The following DHX57 variants were observed in gnomAD, a reference collection of about 807,000 sequenced individuals.
The protein encoded by DHX57 is DExH-box helicase 57, also known as putative ATP-dependent RNA helicase DHX57.
Under a neutral mutation model 156.2 loss-of-function variants are expected in DHX57, and 105 were observed. The ratio of observed to expected loss-of-function variants is 0.67; its 90% CI spans 0.57 to 0.79. The LOEUF is 0.79. DHX57 is among the 30% of genes least tolerant of loss of function. The pLI is 0.00. For missense variants in DHX57, 1,847 were observed against 1,661.9 expected (o/e 1.11, Z -1.94); for synonymous variants, 704 against 595.6 (o/e 1.18, Z -2.65).
chr2:38,805,602 T>C (rs1467201769), intron 22 of DHX57, among the ~76,000 whole-genome samples: 1 of 152,076 alleles, frequency 6.6e-6, no homozygotes. Flanking sequence ...CAAGGAGGCA[T>C]TCTTGGGACC....
In DHX57 at chr2:38,853,998, C is replaced by A. The variant is rs1672748439; in HGVS notation, c.2030+56G>T. Reference sequence around the variant, plus strand: ...AATTGGAACTAGAAAACAATTTTTTCTGCCATGCCTTCAATTCAGGTGAGT... The same window carrying A: ...AATTGGAACTAGAAAACAATTTTTTATGCCATGCCTTCAATTCAGGTGAGT... On this transcript the variant is annotated intron_variant, in intron 9 of 23. Coordinates refer to ENST00000457308, the MANE Select transcript of DHX57 (RefSeq NM_198963.3). 27 of 1,497,180 alleles carry A rather than the reference C, an allele frequency of 1.8e-5. 1 individual carries two copies. In the South Asian group the frequency reaches 3.7e-4, roughly 20 times the overall value. The allele number at this position is 1,497,180 out of a possible 1,614,324, so 92.7% of individuals were successfully genotyped here. A position where few individuals can be genotyped will look rare whatever the true frequency, so the allele number is the denominator to read the frequency against.
intron 9 of DHX57, 63 bp downstream of exon 9, chr2:38,853,991 A>AT (rs1672747822): frequency 5.4e-6 from 8 of 1,489,542 alleles, no homozygotes; most frequent in Non-Finnish European, 7.2e-6. Context: ...CTAGAAAACA[A>AT]TTTTTTCTGC....
chr2:38,860,767 A>G (rs1223797640), intron 5 of DHX57, among the ~76,000 whole-genome samples: 3 of 152,238 alleles, frequency 2.0e-5, no homozygotes, highest in African/African-American at 4.8e-5. Context: ...AACATACGTC[A>G]CTACAAACTT....
At chr2:38,857,012 G>C (rs1178664261) in intron 6 of DHX57, 1 of 153,452 alleles carries the variant, frequency 6.5e-6, no homozygotes, top group Non-Finnish European at 1.5e-5. Flanking sequence ...CTCTTGCTTA[G>C]CACATATCCA....
At position 38,848,404 on chromosome 2, in the gene DHX57, T is replaced by A. The variant is rs766741871; in HGVS notation, c.2031-2A>T. On this transcript the variant is annotated splice_acceptor_variant, in intron 9 of 23. Transcript: ENST00000457308. LOFTEE classifies it high-confidence loss of function. ...TTCAAAACTAGCAGCAAGAAGTCAC[T>A]AGAGAAAATAAAAGAAACACCTGAG... 1 of 1,584,040 alleles carries A rather than the reference T, an allele frequency of 6.3e-7. No homozygotes were observed. Among genetic ancestry groups the A allele is most frequent in the Admixed American group, 1.9e-5 (1 of 51,704 alleles).
intron 15 of DHX57, 62 bp from the exon 16 acceptor site, chr2:38,826,109 C>G: frequency 6.6e-7 from 1 of 1,519,478 alleles, no homozygotes; most frequent in South Asian, 1.2e-5. Flanking sequence ...AGACTGCTTG[C>G]TATGGACAGA....
In DHX57 at chr2:38,863,293, G is replaced by T. The variant is rs1298048474; in HGVS notation, c.383+68C>A. ...AGTACTGACACAGCATTCCAAAGAT[G>T]CACAGGACCTTCACACTGCCAGTAT... is the stretch of plus-strand genomic sequence containing the variant. On this transcript the variant is annotated intron_variant, in intron 3 of 23. Transcript: ENST00000457308. 2.5e-5 allele frequency: 37 copies of T among 1,499,880 alleles called. No homozygotes were observed. In the Admixed American group the frequency reaches 5.5e-4, roughly 22 times the overall value. The allele number at this position is 1,499,880 out of a possible 1,614,324, so 92.9% of individuals were successfully genotyped here.
At chr2:38,825,585 G>A (rs557091414) in intron 16 of DHX57, among the ~76,000 whole-genome samples, 2 of 152,264 alleles carry the variant, frequency 1.3e-5, no homozygotes, top group Admixed American at 6.5e-5. Context: ...TTATAAGCAT[G>A]AGCCTCCATG....
rs568684204 is a variant in DHX57, at chr2:38,830,730, C to T, written c.2543-2294G>A. 2.2e-4 allele frequency among the ~76,000 whole-genome samples: 33 copies of T among 152,138 alleles called. 1 individual carries two copies. In the Middle Eastern group the frequency reaches 0.01, roughly 47 times the overall value. On this transcript the variant is annotated intron_variant, in intron 13 of 23. Transcript: ENST00000457308. ...GTAAGCATGGAGCTTGGACACAAAC[C>T]TAGGGTTTCTGGCATCAGATCCATG...
chr2:38,812,852 G>GTTTGTTTGTTTA (rs1553323020), intron 21 of DHX57, among the ~76,000 whole-genome samples: 50,758 of 150,956 alleles, frequency 0.34, 8,774 homozygotes, highest in Non-Finnish European at 0.36. Flanking sequence ...TTGTTTGTTT[G>GTTTGTTTGTTTA]TTTGTTTGTT....
intron 12 of DHX57, among the ~76,000 whole-genome samples, chr2:38,842,162 T>C (rs920368012): frequency 6.6e-6 from 1 of 152,184 alleles, no homozygotes; most frequent in Non-Finnish European, 1.5e-5. Flanking sequence ...GTTTTTGTGA[T>C]GCTCCAGCCA....
intron 21 of DHX57, chr2:38,810,666 G>T: frequency 1.5e-6 from 1 of 683,294 alleles, no homozygotes; most frequent in Non-Finnish European, 2.7e-6. Context: ...ACTTGGCAAT[G>T]CAGTGGTGGG....
chr2:38,865,946 T>G (rs1240929540), intron 2 of DHX57, among the ~76,000 whole-genome samples: 1 of 152,176 alleles, frequency 6.6e-6, no homozygotes, highest in Non-Finnish European at 1.5e-5. Context: ...TCAATGCTAT[T>G]GAGTATAGAT....
chr2:38,868,448 C>T (rs769694987), intron 1 of DHX57, 37 bp from the exon 2 acceptor site: 1 of 1,590,704 alleles, frequency 6.3e-7, no homozygotes, highest in Non-Finnish European at 8.6e-7. Flanking sequence ...CATCATAAAA[C>T]CAGACATGTA....
At chr2:38,812,247 C>T (rs143954052) in intron 21 of DHX57, among the ~76,000 whole-genome samples, 29 of 137,186 alleles carry the variant, frequency 2.1e-4, no homozygotes, top group African/African-American at 6.8e-4. Context: ...TTCATAACCA[C>T]ACTACAAAGC....
intron 7 of DHX57, among the ~76,000 whole-genome samples, 185 bp from the exon 8 acceptor site, chr2:38,855,437 CCAATCAAAAGGA>C (rs72020623): frequency 0.21 from 32,183 of 151,982 alleles, 4,239 homozygotes; most frequent in Non-Finnish European, 0.28. Context: ...AATTTGCACT[CCAATCAAAAGGA>C]CAATCAAATA....
At chr2:38,821,720 A>G (rs955913875) in intron 17 of DHX57, among the ~76,000 whole-genome samples, 1 of 152,118 alleles carries the variant, frequency 6.6e-6, no homozygotes, top group Non-Finnish European at 1.5e-5. Flanking sequence ...CCAAAAGTTG[A>G]TTCTCTGAAA....
chr2:38,820,941 A>T (rs1670781654), intron 17 of DHX57, among the ~76,000 whole-genome samples: 1 of 152,030 alleles, frequency 6.6e-6, no homozygotes, highest in Admixed American at 6.6e-5. Flanking sequence ...TCTCAAGTAT[A>T]CGTGGAACAC....
chr2:38,830,390 G>A (rs1416199162), intron 13 of DHX57, among the ~76,000 whole-genome samples: 4 of 152,166 alleles, frequency 2.6e-5, no homozygotes, highest in Admixed American at 1.3e-4. Flanking sequence ...CACTTTAGGA[G>A]GCTGAGGTGG....
Sources: allele counts gnomAD v4.1 joint callset (sites outside exome capture counted in the v4.1 genomes callset), GRCh38; gene constraint gnomAD v4.1.1; transcripts MANE v1.5; gene names NCBI Gene and HGNC (gene_info 2026-07-23, HGNC 2026-07-21).